Variants in CFAP299 observed in about 807,000 individuals in gnomAD.
CFAP299 encodes cilia- and flagella-associated protein 299.
Under a neutral mutation model 27.0 loss-of-function variants are expected in CFAP299, and 21 were observed. The ratio of observed to expected loss-of-function variants is 0.78; its 90% CI spans 0.55 to 1.12. The LOEUF (loss-of-function observed/expected upper bound fraction) is 1.12. Among genes scored for constraint, CFAP299 ranks in the 50% most tolerant of loss-of-function variants. The pLI is 0.00. For missense variants in CFAP299, 310 were observed against 276.6 expected, an observed-to-expected ratio of 1.12 and a Z score of -0.86; for synonymous variants, 104 against 98.1, an observed-to-expected ratio of 1.06 and a Z score of -0.36.
rs188947458 is a variant in CFAP299, at chr4:80,606,428, G to A, written c.333+23245G>A. Reference sequence around the variant, plus strand: ...CAGGCGCCTGTAATCCCAGCTACTCGGGGGGCTGAGGCAGGAGAATCGCTT... The same window carrying A: ...CAGGCGCCTGTAATCCCAGCTACTCAGGGGGCTGAGGCAGGAGAATCGCTT... On this transcript the variant is annotated intron_variant, in intron 3 of 5. Transcript: ENST00000358105. Among the ~76,000 whole-genome samples, 1,033 of 152,166 alleles carry A rather than the reference G, an allele frequency of 6.8e-3. 13 individuals are homozygous for A. The highest frequency in any genetic ancestry group is 0.024 in the African/African-American group (992 of 41,528).
intron 3 of CFAP299, among the ~76,000 whole-genome samples, chr4:80,591,501 A>G (rs1468144708): frequency 6.6e-6 from 1 of 152,150 alleles, no homozygotes; most frequent in Non-Finnish European, 1.5e-5. Flanking sequence ...GCACCTCACG[A>G]TTATTTCTTC....
intron 3 of CFAP299, among the ~76,000 whole-genome samples, chr4:80,753,710 A>G (rs1725068068): frequency 6.6e-6 from 1 of 151,836 alleles, no homozygotes; most frequent in Non-Finnish European, 1.5e-5. Flanking sequence ...TCAGTTTGGG[A>G]CATTTCAATT....
At chr4:80,346,526 T>C (rs1319387236) in intron 1 of CFAP299, among the ~76,000 whole-genome samples, 2 of 152,224 alleles carry the variant, frequency 1.3e-5, no homozygotes, top group Admixed American at 6.5e-5. Flanking sequence ...ATTTATTAAA[T>C]AGGGAATCCT....
intron 3 of CFAP299, among the ~76,000 whole-genome samples, chr4:80,748,992 AT>A (rs1724772743): frequency 1.3e-5 from 2 of 151,918 alleles, no homozygotes; most frequent in Admixed American, 6.6e-5. Flanking sequence ...TCTGAACATC[AT>A]TTTTTTCTCT....
chr4:80,703,307 C>T (rs1040044556), intron 3 of CFAP299, among the ~76,000 whole-genome samples: 7 of 151,702 alleles, frequency 4.6e-5, no homozygotes, highest in African/African-American at 7.2e-5. Flanking sequence ...CCTTATCTAT[C>T]TTGTTAAAGA....
At chr4:80,844,512 G>A (rs887521748) in intron 3 of CFAP299, among the ~76,000 whole-genome samples, 1 of 152,170 alleles carries the variant, frequency 6.6e-6, no homozygotes, top group Non-Finnish European at 1.5e-5. Context: ...CAGTGACGAT[G>A]AGCATTTTTT....
chr4:80,781,504 C>T (rs1396076216), intron 3 of CFAP299, among the ~76,000 whole-genome samples: 1 of 151,932 alleles, frequency 6.6e-6, no homozygotes, highest in Non-Finnish European at 1.5e-5. Context: ...AAGGGATAGC[C>T]AACAAAACTT....
At chr4:80,414,951 G>A (rs1161613869) in intron 2 of CFAP299, among the ~76,000 whole-genome samples, 1 of 152,102 alleles carries the variant, frequency 6.6e-6, no homozygotes, top group African/African-American at 2.4e-5. Flanking sequence ...GTTCACCATT[G>A]TGACCCTACC....
chr4:80,951,356 G>A (rs1276284749), intron 5 of CFAP299, among the ~76,000 whole-genome samples: 1 of 152,154 alleles, frequency 6.6e-6, no homozygotes, highest in African/African-American at 2.4e-5. Flanking sequence ...AATGTAGACT[G>A]TGCATGGACT....
chr4:80,608,507 A>C, intron 3 of CFAP299: 1 of 548,944 alleles, frequency 1.8e-6, no homozygotes, highest in Non-Finnish European at 3.3e-6. Flanking sequence ...CAGCTTGATG[A>C]ATGACAGTCA....
At chr4:80,657,345 G>T (rs939602427) in intron 3 of CFAP299, among the ~76,000 whole-genome samples, 1 of 152,116 alleles carries the variant, frequency 6.6e-6, no homozygotes, top group African/African-American at 2.4e-5. Context: ...TTCTTCTAGG[G>T]TTTTTATGGT....
intron 2 of CFAP299, among the ~76,000 whole-genome samples, chr4:80,496,388 A>G (rs1020263500): frequency 1.3e-5 from 2 of 152,198 alleles, no homozygotes; most frequent in African/African-American, 2.4e-5. Flanking sequence ...TTCCTGGGGC[A>G]TGAACACGAT....
chr4:80,801,022 A>C (rs978696217), intron 3 of CFAP299, among the ~76,000 whole-genome samples: 3 of 151,526 alleles, frequency 2.0e-5, no homozygotes, highest in Non-Finnish European at 4.4e-5. Flanking sequence ...CTGACAGCTG[A>C]TTAGATTGTG....
At chr4:80,800,600 A>C (rs1728496038) in intron 3 of CFAP299, among the ~76,000 whole-genome samples, 6 of 90,602 alleles carry the variant, frequency 6.6e-5, no homozygotes, top group Non-Finnish European at 9.7e-5. Flanking sequence ...TAATATATTA[A>C]TATAAATATA....
intron 2 of CFAP299, among the ~76,000 whole-genome samples, chr4:80,505,695 A>G (rs980638598): frequency 1.9e-4 from 29 of 152,282 alleles, no homozygotes; most frequent in Non-Finnish European, 4.1e-4. Context: ...AAATGTTGGA[A>G]GAGACTTTAT....
chr4:80,753,933 C>T (rs185669218), intron 3 of CFAP299, among the ~76,000 whole-genome samples: 5 of 152,270 alleles, frequency 3.3e-5, no homozygotes, highest in Non-Finnish European at 5.9e-5. Flanking sequence ...ATCTTTAACA[C>T]ATTAATCATA....
intron 2 of CFAP299, among the ~76,000 whole-genome samples, chr4:80,439,209 A>C (rs1217005187): frequency 6.6e-6 from 1 of 152,144 alleles, no homozygotes; most frequent in African/African-American, 2.4e-5. Flanking sequence ...GATTGAGGGA[A>C]TCTTTAGTTT....
At chr4:80,755,111 A>G (rs557933824) in intron 3 of CFAP299, among the ~76,000 whole-genome samples, 3 of 152,248 alleles carry the variant, frequency 2.0e-5, no homozygotes, top group African/African-American at 7.2e-5. Context: ...ATCTATTAAT[A>G]CTACAAAGAG....
chr4:80,880,727 AAAAAT>A (rs936322817), intron 4 of CFAP299, among the ~76,000 whole-genome samples: 4 of 146,230 alleles, frequency 2.7e-5, no homozygotes, highest in South Asian at 4.2e-4. Context: ...CTCCGTCTCA[AAAAAT>A]AAAATAAAAT....
Sources: gnomAD v4.1 joint callset for allele counts (sites outside exome capture counted in the v4.1 genomes callset) on GRCh38, gnomAD v4.1.1 for gene constraint, MANE v1.5 for transcripts, NCBI Gene and HGNC (gene_info 2026-07-23, HGNC 2026-07-21) for gene names.